Variants in LDB2 observed in about 807,000 individuals in gnomAD.
LDB2 encodes the protein LIM domain binding 2, also known as LIM domain-binding protein 2.
LDB2 carries 12 observed loss-of-function variants against 44.3 expected under a neutral mutation model. The ratio of observed to expected loss-of-function variants is 0.27; its 90% CI spans 0.17 to 0.44. The LOEUF is 0.44. Among genes scored for constraint, LDB2 ranks in the 20% least tolerant of loss-of-function variants. The pLI, the probability that LDB2 is intolerant of heterozygous loss-of-function variation, is 1.00. For missense variants in LDB2, 344 were observed against 473.5 expected, an observed-to-expected ratio of 0.73 and a Z score of 2.54; for synonymous variants, 164 against 174.8, an observed-to-expected ratio of 0.94 and a Z score of 0.49.
chr4:16,816,494 C>T lies in LDB2; in HGVS notation c.133-57234G>A, dbSNP rs145678754. Among the ~76,000 whole-genome samples, 610 of 150,418 alleles carry T rather than the reference C, an allele frequency of 4.1e-3. 4 individuals carry two copies. The highest frequency in any genetic ancestry group is 0.014 in the African/African-American group (562 of 40,832). On this transcript the variant is annotated intron_variant, in intron 1 of 7. Coordinates refer to ENST00000304523, the MANE Select transcript of LDB2 (RefSeq NM_001290.5). ...CACGATCTCAGCTCACTGCAACCTC[C>T]GCCTCCAGGGTTCAAGCGATTCTCC...
rs552208263 is a variant in LDB2 at position 16,560,832 on chromosome 4, A to G, written c.615+25090T>C. Among the ~76,000 whole-genome samples the G allele has an allele frequency of 2.0e-5, 3 of 152,336 alleles. No homozygotes were observed. In the East Asian group the frequency reaches 5.8e-4, roughly 29 times the overall value. On this transcript the variant is annotated intron_variant, in intron 5 of 7. Coordinates refer to ENST00000304523, the MANE Select transcript of LDB2 (RefSeq NM_001290.5). Reference sequence around the variant, plus strand: ...AAAAAGCCTCAATAAAATACTGGCAAACCGAATCCAGCAGCACATCAAAAA... The same window carrying G: ...AAAAAGCCTCAATAAAATACTGGCAGACCGAATCCAGCAGCACATCAAAAA...
intron 1 of LDB2, among the ~76,000 whole-genome samples, chr4:16,858,959 TAAAG>T (rs1711542052): frequency 6.6e-6 from 1 of 152,216 alleles, no homozygotes; most frequent in South Asian, 2.1e-4. Flanking sequence ...TTTTTTAAAA[TAAAG>T]AGTCTTCAGA....
chr4:16,585,932 T>A lies in LDB2; in HGVS notation c.605A>T (p.Asn202Ile), dbSNP rs1465410061. 2 of 1,612,214 alleles carry A rather than the reference T, an allele frequency of 1.2e-6. No individual in the cohort carries two copies. Among genetic ancestry groups the A allele is most frequent in the African/African-American group, 1.3e-5 (1 of 74,914 alleles). The stretch of plus-strand genomic sequence containing the variant: ...TTCGATTGATCTTACCCTGAGGTAG[T>A]TGAGGGTGAAGTTTGTTAGCCCCAT... ...TRMGLTNFTL[N>I]YLRLCVILEP... is the part of the protein sequence containing the mutation. Residue 202 changes from asparagine to isoleucine, a missense_variant, in exon 5 of 8, where the codon AAC (asparagine) becomes ATC (isoleucine). Around this residue, in one of 3 missense-constraint regions of LDB2, gnomAD observed 226 missense variants for 270.1 expected, o/e 0.84. Coordinates refer to ENST00000304523, the MANE Select transcript of LDB2 (RefSeq NM_001290.5).
intron 2 of LDB2, chr4:16,626,694 T>C (rs1336453030): frequency 2.0e-5 from 3 of 152,206 alleles, no homozygotes; most frequent in Non-Finnish European, 4.4e-5. Context: ...TACCTTGCTG[T>C]GTCCTGGTTT....
intron 5 of LDB2, among the ~76,000 whole-genome samples, chr4:16,546,139 T>A (rs1735659207): frequency 6.6e-6 from 1 of 152,230 alleles, no homozygotes; most frequent in Admixed American, 6.5e-5. Context: ...TAGCATTTTT[T>A]AAGCACCATA....
At chr4:16,590,084 T>C (rs1024413080) in intron 3 of LDB2, among the ~76,000 whole-genome samples, 1 of 152,176 alleles carries the variant, frequency 6.6e-6, no homozygotes, top group Non-Finnish European at 1.5e-5. Context: ...GCTAGACCAG[T>C]AATGGTCATC....
intron 2 of LDB2, among the ~76,000 whole-genome samples, chr4:16,682,523 G>A (rs1578745531): frequency 1.3e-5 from 2 of 152,318 alleles, no homozygotes; most frequent in East Asian, 3.9e-4. Flanking sequence ...TAGATACCCA[G>A]TAAATGTTTA....
chr4:16,799,010 C>T (rs1027065416), intron 1 of LDB2, among the ~76,000 whole-genome samples: 1 of 152,120 alleles, frequency 6.6e-6, no homozygotes. Context: ...GCCACCACAC[C>T]CGGCTAATTT....
At chr4:16,630,331 C>T (rs557907383) in intron 2 of LDB2, among the ~76,000 whole-genome samples, 78 of 152,280 alleles carry the variant, frequency 5.1e-4, no homozygotes, top group African/African-American at 1.8e-3. Flanking sequence ...CATATCCAGC[C>T]AAACTAAGCT....
chr4:16,686,486 T>TTG (rs1749284039), intron 2 of LDB2, among the ~76,000 whole-genome samples: 1 of 152,226 alleles, frequency 6.6e-6, no homozygotes, highest in Admixed American at 6.5e-5. Context: ...GCTCTTGCTC[T>TTG]TGTGTGTGAC....
At chr4:16,685,669 T>C (rs118152336) in intron 2 of LDB2, among the ~76,000 whole-genome samples, 18 of 152,280 alleles carry the variant, frequency 1.2e-4, no homozygotes, top group Non-Finnish European at 1.5e-4. Context: ...TTTAAAGGAA[T>C]CTTCTTCACT....
chr4:16,645,537 C>T (rs1736533461), intron 2 of LDB2, among the ~76,000 whole-genome samples: 1 of 95,908 alleles, frequency 1.0e-5, no homozygotes. Context: ...GAGCGAGACT[C>T]CGTCTCAAAA....
intron 2 of LDB2, chr4:16,653,912 C>G (rs1282463588): frequency 6.6e-6 from 1 of 152,122 alleles, no homozygotes; most frequent in African/African-American, 2.4e-5. Context: ...ATTGGGGTAA[C>G]AAATTTGGTA....
chr4:16,664,296 C>T (rs1578587135), intron 2 of LDB2, among the ~76,000 whole-genome samples: 1 of 152,184 alleles, frequency 6.6e-6, no homozygotes, highest in African/African-American at 2.4e-5. Context: ...TCACTAGACA[C>T]CTAATCTGCA....
At chr4:16,597,847 A>G (rs1270064836) in intron 2 of LDB2, among the ~76,000 whole-genome samples, 2 of 152,210 alleles carry the variant, frequency 1.3e-5, no homozygotes. Flanking sequence ...TTTAAACCTA[A>G]GTTTTAAATT....
At chr4:16,829,657 G>C (rs1783708469) in intron 1 of LDB2, among the ~76,000 whole-genome samples, 1 of 152,142 alleles carries the variant, frequency 6.6e-6, no homozygotes, top group Non-Finnish European at 1.5e-5. Context: ...TCATGGGGTT[G>C]TTTTCATAAG....
intron 2 of LDB2, among the ~76,000 whole-genome samples, chr4:16,651,584 A>T (rs1738281322): frequency 1.0e-5 from 1 of 99,952 alleles, no homozygotes; most frequent in Non-Finnish European, 2.5e-5. Context: ...GGTGATTTTC[A>T]TCTTTTTTTT....
Position 16,774,827 on chromosome 4 carries a change from T to C in LDB2, c.133-15567A>G, listed in dbSNP as rs75652114. 3.2e-3 allele frequency among the ~76,000 whole-genome samples: 481 copies of C among 152,288 alleles called. 3 individuals carry two copies. Among genetic ancestry groups the C allele is most frequent in the African/African-American group, 0.011 (463 of 41,552 alleles). ...AAATACCTAGTAATAAAAGGTTACA[T>C]ACATGCATGCATAAATGCTCATAGC... On this transcript the variant is annotated intron_variant, in intron 1 of 7. Coordinates refer to ENST00000304523, the MANE Select transcript of LDB2 (RefSeq NM_001290.5).
At chr4:16,861,766 C>T (rs749808692) in intron 1 of LDB2, among the ~76,000 whole-genome samples, 5 of 152,198 alleles carry the variant, frequency 3.3e-5, no homozygotes, top group Admixed American at 1.3e-4. Flanking sequence ...AACAGACAGC[C>T]GCAGACAAAC....
Sources: allele counts gnomAD v4.1 joint callset (sites outside exome capture counted in the v4.1 genomes callset), GRCh38; gene constraint gnomAD v4.1.1; regional missense constraint gnomAD v4.1.1; transcripts MANE v1.5; gene names NCBI Gene and HGNC (gene_info 2026-07-23, HGNC 2026-07-21).